Variants in PTPRD observed in about 807,000 individuals in gnomAD.
PTPRD encodes the protein protein tyrosine phosphatase receptor type D.
PTPRD carries 34 observed loss-of-function variants against 214.5 expected under a neutral mutation model. The ratio of observed to expected loss-of-function variants is 0.16; its 90% CI spans 0.12 to 0.21. The LOEUF (loss-of-function observed/expected upper bound fraction) is 0.21. PTPRD is among the 10% of genes least tolerant of loss of function. The pLI is 1.00. For synonymous variants in PTPRD, 1,128 were observed against 845.7 expected, an observed-to-expected ratio of 1.33 and a Z score of -5.79; for missense variants, 2,545 against 2,398.7, an observed-to-expected ratio of 1.06 and a Z score of -1.27.
At chr9:9,625,070 G>C (rs996900426) in intron 7 of PTPRD, among the ~76,000 whole-genome samples, 3 of 152,200 alleles carry the variant, frequency 2.0e-5, no homozygotes, top group Non-Finnish European at 2.9e-5. Flanking sequence ...TGACTTGAAA[G>C]CCTAGACAGG....
At chr9:9,457,629 G>C (rs1377193663) in intron 8 of PTPRD, among the ~76,000 whole-genome samples, 1 of 151,998 alleles carries the variant, frequency 6.6e-6, no homozygotes, top group Admixed American at 6.6e-5. Context: ...ACTGTGATGT[G>C]AGTTTTAGAG....
intron 11 of PTPRD, among the ~76,000 whole-genome samples, chr9:8,757,623 T>C (rs1177330039): frequency 8.9e-6 from 1 of 112,588 alleles, no homozygotes; most frequent in Non-Finnish European, 2.0e-5. Flanking sequence ...AAATTCTGCA[T>C]ATATATATAT....
At chr9:8,408,896 AACG>A (rs2093285739) in intron 35 of PTPRD, among the ~76,000 whole-genome samples, 1 of 20,394 alleles carries the variant, frequency 4.9e-5, no homozygotes, top group Non-Finnish European at 7.9e-5. Flanking sequence ...TTTAAAGAAC[AACG>A]GGAAAGTCTC....
chr9:8,466,105 A>T (rs966916171), intron 31 of PTPRD, among the ~76,000 whole-genome samples: 1 of 151,960 alleles, frequency 6.6e-6, no homozygotes, highest in Non-Finnish European at 1.5e-5. Context: ...ACATTTTAGA[A>T]GAGGTTAGTG....
At chr9:8,843,055 C>T (rs868131923) in intron 11 of PTPRD, among the ~76,000 whole-genome samples, 2 of 152,194 alleles carry the variant, frequency 1.3e-5, no homozygotes, top group Non-Finnish European at 2.9e-5. Flanking sequence ...ACTGAGCCCC[C>T]TCTTCCAACT....
At chr9:9,449,066 C>T (rs1206784164) in intron 8 of PTPRD, among the ~76,000 whole-genome samples, 1 of 152,052 alleles carries the variant, frequency 6.6e-6, no homozygotes, top group Non-Finnish European at 1.5e-5. Context: ...TGCAAGAAAG[C>T]CTACTGTTGT....
At chr9:8,405,661 C>G (rs1006903083) in intron 35 of PTPRD, among the ~76,000 whole-genome samples, 10 of 152,022 alleles carry the variant, frequency 6.6e-5, no homozygotes, top group African/African-American at 2.4e-4. Context: ...TATGGAAACA[C>G]AAGTTCATTA....
intron 10 of PTPRD, among the ~76,000 whole-genome samples, chr9:9,169,833 A>G (rs28564656): frequency 0.03 from 4,545 of 152,272 alleles, 231 homozygotes; most frequent in African/African-American, 0.1. Context: ...CATCAATAGC[A>G]GCAACAACAA....
intron 2 of PTPRD, among the ~76,000 whole-genome samples, chr9:10,376,513 C>T (rs754994623): frequency 1.1e-4 from 16 of 151,514 alleles, no homozygotes; most frequent in East Asian, 3.9e-4. Context: ...AAACATAATT[C>T]GTTACTTGCT....
chr9:8,506,135 T>C (rs971278342), intron 22 of PTPRD, among the ~76,000 whole-genome samples: 28 of 152,254 alleles, frequency 1.8e-4, no homozygotes, highest in African/African-American at 6.5e-4. Flanking sequence ...ATTAATTTAT[T>C]ATAACATCCA....
At chr9:9,888,175 T>G (rs1263491312) in intron 5 of PTPRD, among the ~76,000 whole-genome samples, 2 of 152,130 alleles carry the variant, frequency 1.3e-5, no homozygotes, top group Non-Finnish European at 2.9e-5. Context: ...TAGCAAATGG[T>G]GGAAAGTGTG....
At chr9:9,344,586 T>G (rs2048120238) in intron 9 of PTPRD, among the ~76,000 whole-genome samples, 1 of 152,140 alleles carries the variant, frequency 6.6e-6, no homozygotes, top group Non-Finnish European at 1.5e-5. Context: ...GTTCAGCCTG[T>G]ATTCATGACT....
At chr9:8,436,953 A>C (rs2095375438) in intron 34 of PTPRD, among the ~76,000 whole-genome samples, 1 of 152,224 alleles carries the variant, frequency 6.6e-6, no homozygotes, top group Admixed American at 6.5e-5. Flanking sequence ...TTATTGTGCT[A>C]TGAATCAATA....
chr9:10,132,673 C>T (rs1238697028), intron 3 of PTPRD, among the ~76,000 whole-genome samples: 1 of 152,128 alleles, frequency 6.6e-6, no homozygotes, highest in Non-Finnish European at 1.5e-5. Context: ...AAGTAGAGAA[C>T]AGAAGATAAA....
At chr9:9,374,396 A>G (rs1007476059) in intron 9 of PTPRD, among the ~76,000 whole-genome samples, 1 of 152,156 alleles carries the variant, frequency 6.6e-6, no homozygotes, top group Non-Finnish European at 1.5e-5. Context: ...GTGCTATAGA[A>G]TTTCAAAAGA....
At position 8,763,572 on chromosome 9, in the gene PTPRD, T is replaced by G. The variant is rs533952555; in HGVS notation, c.-103-29626A>C. Among the ~76,000 whole-genome samples the G allele has an allele frequency of 2.6e-5, 4 of 151,284 alleles. No individual in the cohort carries two copies. The South Asian group carries it at 8.3e-4, about 31-fold the overall frequency. On this transcript the variant is annotated intron_variant, in intron 11 of 45. Transcript: ENST00000381196. Reference sequence around the variant, plus strand: ...ACATATATACATTATATATAACATATATAGTATAACATAACACTATAATGC... The same window carrying G: ...ACATATATACATTATATATAACATAGATAGTATAACATAACACTATAATGC...
In PTPRD at chr9:8,574,907, C is replaced by T. The variant is rs553564130; in HGVS notation, c.353-46128G>A. ...AATTTAAAAAGGAAGAATATGCATG[C>T]CCAAGAAGAAATGGCTTCATTAATT... On this transcript the variant is annotated intron_variant, in intron 14 of 45. Transcript: ENST00000381196. 4.2e-3 allele frequency among the ~76,000 whole-genome samples: 632 copies of T among 151,936 alleles called. 1 individual carries two copies. The highest frequency in any genetic ancestry group is 6.8e-3 in the Middle Eastern group (2 of 294).
chr9:10,228,471 C>G (rs2154354142), intron 3 of PTPRD, among the ~76,000 whole-genome samples: 1 of 151,954 alleles, frequency 6.6e-6, no homozygotes. Context: ...TGTCATAGAA[C>G]TCTAAGAACT....
intron 6 of PTPRD, among the ~76,000 whole-genome samples, chr9:9,735,728 A>C (rs1226172505): frequency 1.3e-5 from 2 of 152,124 alleles, no homozygotes; most frequent in Non-Finnish European, 2.9e-5. Context: ...TGAATTCTCT[A>C]GCCTGGCTTC....
Sources: gnomAD v4.1 joint callset for allele counts (sites outside exome capture counted in the v4.1 genomes callset) on GRCh38, gnomAD v4.1.1 for gene constraint, MANE v1.5 for transcripts, NCBI Gene and HGNC (gene_info 2026-07-23, HGNC 2026-07-21) for gene names.